BTBD8: variants seen among roughly 807,000 people sequenced by gnomAD.
BTBD8 encodes the protein BTB domain containing 8.
BTBD8 carries 110 observed loss-of-function variants against 162.9 expected under a neutral mutation model. The ratio of observed to expected loss-of-function variants is 0.68; its 90% CI spans 0.58 to 0.79. The LOEUF (loss-of-function observed/expected upper bound fraction) is 0.79. BTBD8 is among the 30% of genes least tolerant of loss of function. BTBD8 has a pLI of 0.00. For missense variants in BTBD8, 1,905 were observed against 2,085.4 expected, an observed-to-expected ratio of 0.91 and a Z score of 1.68; for synonymous variants, 667 against 716.1, an observed-to-expected ratio of 0.93 and a Z score of 1.10.
chr1:92,087,998 C>T (rs1185299253), intron 1 of BTBD8, among the ~76,000 whole-genome samples: 35 of 152,140 alleles, frequency 2.3e-4, no homozygotes, highest in Non-Finnish European at 4.4e-5. Context: ...CTATCACTCA[C>T]GTATACATGT....
At chr1:92,093,003 TC>T (rs1419887158) in intron 2 of BTBD8, among the ~76,000 whole-genome samples, 6 of 152,266 alleles carry the variant, frequency 3.9e-5, no homozygotes, top group Middle Eastern at 3.4e-3. Flanking sequence ...CTTTATTATT[TC>T]TGTTTCATGT....
chr1:92,110,862 A>G (rs1341522737), intron 4 of BTBD8, among the ~76,000 whole-genome samples: 1 of 151,676 alleles, frequency 6.6e-6, no homozygotes, highest in African/African-American at 2.4e-5. Context: ...CCATTTTTTA[A>G]TGTAATTTAT....
At position 92,152,172 on chromosome 1, in the gene BTBD8, A is replaced by AT. The variant is rs966920693; in HGVS notation, c.1122+4397dup. ...TGATAAGTGCTCCATGTGAGCAAAG[A>AT]TTTTTTTTTTTAATGCGTGGGACTT... is the stretch of plus-strand genomic sequence containing the variant. On this transcript the variant is annotated intron_variant, in intron 9 of 17. Coordinates refer to ENST00000636805, the MANE Select transcript of BTBD8 (RefSeq NM_001376131.1). 8.0e-4 allele frequency among the ~76,000 whole-genome samples: 119 copies of AT among 147,914 alleles called. 1 individual carries two copies. The highest frequency in any genetic ancestry group is 4.9e-3 in the East Asian group (25 of 5,118).
Position 92,180,604 on chromosome 1 carries a change from G to A in BTBD8, c.2921G>A (p.Arg974His), listed in dbSNP as rs769171218. Reference protein sequence around the residue: ...TVQKSMFHDVRDNNNKDSVSE... With the variant: ...TVQKSMFHDVHDNNNKDSVSE... ...CAAAAAAGTATGTTTCATGATGTGC[G>A]TGATAATAACAACAAGGACAGTGTT... The change falls in exon 17 of 18, where the codon CGT becomes CAT. Residue 974 changes from arginine to histidine, a missense_variant. Coordinates refer to ENST00000636805, the MANE Select transcript of BTBD8 (RefSeq NM_001376131.1). 3.7e-4 allele frequency: 571 copies of A among 1,551,074 alleles called. No individual in the cohort carries two copies. Among genetic ancestry groups the A allele is most frequent in the Non-Finnish European group, 4.7e-4 (543 of 1,146,888 alleles).
At chr1:92,125,718 GA>G in intron 4 of BTBD8, 1 of 433,260 alleles carries the variant, frequency 2.3e-6, no homozygotes, top group Non-Finnish European at 4.5e-6. Context: ...CAAAGCCATT[GA>G]AAAGAATGTG....
intron 1 of BTBD8, among the ~76,000 whole-genome samples, chr1:92,081,205 T>A (rs549375433): frequency 1.3e-5 from 2 of 152,366 alleles, no homozygotes; most frequent in East Asian, 3.9e-4. Context: ...AAATGCTTCC[T>A]GATTGCGACC....
chr1:92,184,227 C>T lies in BTBD8; in HGVS notation c.5276C>T (p.Ser1759Phe), dbSNP rs1302350716. The change falls in exon 18 of 18, where the codon TCT becomes TTT. Residue 1759 changes from serine (S) to phenylalanine (F), a missense_variant. Around this residue, in one of 3 missense-constraint regions of BTBD8, gnomAD observed 517 missense variants for 606.6 expected, o/e 0.85. Transcript: ENST00000636805. Reference protein sequence around the residue: ...DTLNRWSELTSPLDSSASITM... With the variant: ...DTLNRWSELTFPLDSSASITM... ...TTGAACAGATGGAGTGAACTAACAT[C>T]TCCACTTGATTCCTCAGCGAGCATC... 6.4e-7 allele frequency: 1 copy of T among 1,551,582 alleles called. No homozygotes were observed. The highest frequency in any genetic ancestry group is 2.0e-5 in the Admixed American group (1 of 51,006).
At chr1:92,152,623 G>C (rs1368569333) in intron 9 of BTBD8, among the ~76,000 whole-genome samples, 1 of 152,030 alleles carries the variant, frequency 6.6e-6, no homozygotes, top group Non-Finnish European at 1.5e-5. Flanking sequence ...AGATAGATTG[G>C]GAGGGATTTT....
At chr1:92,115,134 G>A (rs556796073) in intron 4 of BTBD8, 2 of 493,466 alleles carry the variant, frequency 4.1e-6, no homozygotes, top group Middle Eastern at 6.7e-4. Context: ...CTTCCTGTTC[G>A]ACTTGGGGAT....
rs377300097 is a variant in BTBD8, at chr1:92,130,955, T to C, written c.752+1179T>C. 8.1e-4 allele frequency among the ~76,000 whole-genome samples: 123 copies of C among 152,324 alleles called. 1 individual carries two copies. In the South Asian group the frequency reaches 0.014, roughly 17 times the overall value. On this transcript the variant is annotated intron_variant, in intron 5 of 17. Coordinates refer to ENST00000636805, the MANE Select transcript of BTBD8 (RefSeq NM_001376131.1). ...TGACCTCAAGTAATTCACCTTGCCT[T>C]GGCATCCCAAAGTGTTGGGATTACA... is the stretch of plus-strand genomic sequence containing the variant.
intron 9 of BTBD8, chr1:92,150,464 C>A (rs956952846): frequency 3.3e-5 from 5 of 152,214 alleles, no homozygotes; most frequent in Non-Finnish European, 4.4e-5. Context: ...AAAGCAATCA[C>A]AAATGTGGCA....
intron 7 of BTBD8, among the ~76,000 whole-genome samples, chr1:92,145,444 A>G (rs1432710389): frequency 6.6e-6 from 1 of 152,218 alleles, no homozygotes; most frequent in Non-Finnish European, 1.5e-5. Flanking sequence ...TCAGAAATAC[A>G]CATTTAGAGA....
Position 92,144,810 on chromosome 1 carries a change from TACACACACAC to T in BTBD8, c.931-2347_931-2338del, listed in dbSNP as rs10631515. 1.8e-4 allele frequency among the ~76,000 whole-genome samples: 25 copies of T among 140,800 alleles called. 1 individual carries two copies. The highest frequency in any genetic ancestry group is 1.6e-3 in the Admixed American group (22 of 13,976). The allele number at this position is 140,800 out of a possible 152,430, so 92.4% of individuals were successfully genotyped here. Reference sequence around the variant, plus strand: ...TGGGTGACAGAGCCAAAAAAAAAACTACACACACACACACACACACACACACACACACGTA... The same window carrying T: ...TGGGTGACAGAGCCAAAAAAAAAACTACACACACACACACACACACACGTA... On this transcript the variant is annotated intron_variant, in intron 7 of 17. Transcript: ENST00000636805.
At chr1:92,129,081 C>T (rs541498802) in intron 4 of BTBD8, among the ~76,000 whole-genome samples, 3 of 151,826 alleles carry the variant, frequency 2.0e-5, no homozygotes, top group Admixed American at 6.6e-5. Context: ...GTTTGCTGAT[C>T]AGTACTTTGT....
At chr1:92,134,895 ATT>A (rs11375777) in intron 5 of BTBD8, among the ~76,000 whole-genome samples, 1 of 144,364 alleles carries the variant, frequency 6.9e-6, no homozygotes, top group Non-Finnish European at 1.5e-5. Flanking sequence ...TAATTAATTA[ATT>A]TTTTTTTTTT....
intron 1 of BTBD8, among the ~76,000 whole-genome samples, chr1:92,085,172 T>A (rs1461690582): frequency 6.6e-6 from 1 of 152,252 alleles, no homozygotes; most frequent in Non-Finnish European, 1.5e-5. Flanking sequence ...ATCTTTATGT[T>A]CCCAGTGCTT....
chr1:92,157,005 G>T (rs887859830), intron 9 of BTBD8, among the ~76,000 whole-genome samples: 3 of 150,506 alleles, frequency 2.0e-5, no homozygotes, highest in African/African-American at 7.3e-5. Context: ...GTTCCTTGAG[G>T]TATAATATAA....
At chr1:92,110,075 C>G (rs1648848976) in intron 4 of BTBD8, among the ~76,000 whole-genome samples, 1 of 152,150 alleles carries the variant, frequency 6.6e-6, no homozygotes, top group Non-Finnish European at 1.5e-5. Context: ...CAGTAACACC[C>G]CTCATAACAC....
At chr1:92,166,932 CT>C in intron 9 of BTBD8, 25 bp from the exon 10 acceptor site, 1 of 1,524,372 alleles carries the variant, frequency 6.6e-7, no homozygotes, top group South Asian at 1.2e-5. Context: ...TAGCATCTAA[CT>C]TTCCAATTTT....
Sources: allele counts gnomAD v4.1 joint callset (sites outside exome capture counted in the v4.1 genomes callset), GRCh38; gene constraint gnomAD v4.1.1; regional missense constraint gnomAD v4.1.1; transcripts MANE v1.5; gene names NCBI Gene and HGNC (gene_info 2026-07-23, HGNC 2026-07-21).